Variants in ZSWIM2 observed in about 807,000 individuals in gnomAD.
ZSWIM2 encodes zinc finger SWIM-type containing 2.
Under a neutral mutation model 48.4 loss-of-function variants are expected in ZSWIM2, and 38 were observed. That is an observed-to-expected ratio of 0.79 (90% CI 0.61 to 1.03). The LOEUF (loss-of-function observed/expected upper bound fraction) is 1.03, where lower values mean the gene tolerates loss of function less well. Ranked by LOEUF, ZSWIM2 falls within the 50% of genes least tolerant of loss-of-function variation. ZSWIM2 has a pLI of 0.00. For synonymous variants in ZSWIM2, 240 were observed against 251.3 expected, an observed-to-expected ratio of 0.96 and a Z score of 0.42; for missense variants, 776 against 730.2, an observed-to-expected ratio of 1.06 and a Z score of -0.72.
chr2:186,848,873 T>C (rs755653406), intron 1 of ZSWIM2, 93 bp downstream of exon 1: 7 of 1,519,980 alleles, frequency 4.6e-6, no homozygotes, highest in African/African-American at 4.1e-5. Flanking sequence ...TCCGCAGAGA[T>C]TGTGATGGTG....
rs1284650820 is a variant in ZSWIM2 at position 186,829,793 on chromosome 2, C to A, written c.1029G>T (p.Gln343His). 3.1e-6 allele frequency: 5 copies of A among 1,613,644 alleles called. No individual in the cohort carries two copies. The South Asian group carries it at 5.5e-5, about 18-fold the overall frequency. ...GAAATGCCTTCAAACAAAGTAGACA[C>A]TGGTAGCCTGGAGCAAGCAGCTTAC... ...KNSKLLAPGY[Q>H]CLLCLKAFHL... The change falls in exon 8 of 9, where the codon CAG becomes CAT. Residue 343 changes from glutamine to histidine, a missense_variant. Coordinates refer to ENST00000295131, the MANE Select transcript of ZSWIM2 (RefSeq NM_182521.3).
intron 5 of ZSWIM2, among the ~76,000 whole-genome samples, chr2:186,836,295 C>G (rs1332544458): frequency 6.6e-6 from 1 of 152,084 alleles, no homozygotes; most frequent in African/African-American, 2.4e-5. Flanking sequence ...TCCTCTTTGA[C>G]CAACATTCCT....
chr2:186,827,914 T>C lies in ZSWIM2; in HGVS notation c.*70A>G. 7.8e-7 allele frequency: 1 copy of C among 1,285,544 alleles called. No homozygotes were observed. Among genetic ancestry groups the C allele is most frequent in the East Asian group, 2.5e-5 (1 of 39,352 alleles). The allele number at this position is 1,285,544 out of a possible 1,614,324, so 79.6% of individuals were successfully genotyped here. On this transcript the variant is annotated 3_prime_UTR_variant, in exon 9 of 9. Transcript: ENST00000295131. ...TATATACATTTGTCAAGACTATGTG[T>C]GCTTTTTATGTTCTATATAAAACAT... is the stretch of plus-strand genomic sequence containing the variant.
chr2:186,833,974 T>C lies in ZSWIM2; in HGVS notation c.800A>G (p.His267Arg). 1.2e-6 allele frequency: 2 copies of C among 1,613,296 alleles called. No homozygotes were observed. Among genetic ancestry groups the C allele is most frequent in the East Asian group, 2.2e-5 (1 of 44,846 alleles). ...ACGAAATGTAAACGTGTGGGAAAGA[T>C]GGCAGCAGCTATCAAAACATTCCTG... ...LCQECFDSCCHLSHTFTFREK... is the reference protein window; with the variant it reads ...LCQECFDSCCRLSHTFTFREK... Residue 267 changes from histidine to arginine, a missense_variant, in exon 6 of 9, where the codon CAT (histidine) becomes CGT (arginine). Coordinates refer to ENST00000295131, the MANE Select transcript of ZSWIM2 (RefSeq NM_182521.3).
intron 2 of ZSWIM2, among the ~76,000 whole-genome samples, chr2:186,845,337 G>A (rs1023483185): frequency 2.0e-5 from 3 of 151,038 alleles, no homozygotes; most frequent in Admixed American, 1.3e-4. Flanking sequence ...TACAACATGA[G>A]TTATATAATA....
intron 5 of ZSWIM2, among the ~76,000 whole-genome samples, chr2:186,834,658 A>G (rs1691763509): frequency 6.6e-6 from 1 of 152,112 alleles, no homozygotes; most frequent in African/African-American, 2.4e-5. Context: ...GCTGGTGCCA[A>G]AATGTTTGAG....
At chr2:186,832,243 T>G (rs1691713328) in intron 7 of ZSWIM2, among the ~76,000 whole-genome samples, 1 of 151,776 alleles carries the variant, frequency 6.6e-6, no homozygotes, top group Non-Finnish European at 1.5e-5. Flanking sequence ...GCCTCCCGAG[T>G]AGCTGGGATT....
chr2:186,842,406 A>T (rs1341120986), intron 3 of ZSWIM2, among the ~76,000 whole-genome samples: 2 of 151,376 alleles, frequency 1.3e-5, no homozygotes, highest in African/African-American at 4.8e-5. Context: ...CAAGACACAA[A>T]AAATCTTTAT....
Position 186,849,119 on chromosome 2 carries a change from T to A in ZSWIM2, c.12A>T (p.Arg4=), listed in dbSNP as rs1692057692. Residue 4 remains arginine (R), a synonymous_variant, in exon 1 of 9, where the codon CGA becomes CGT. Coordinates refer to ENST00000295131, the MANE Select transcript of ZSWIM2 (RefSeq NM_182521.3). MLR[R]GYKASERRRH... is the part of the protein sequence containing the mutation. ...TTCGCCTTTCAGAGGCCTTATAGCC[T>A]CGGCGAAGCATGCTGGGTGCGGGCG... 6.2e-7 allele frequency: 1 copy of A among 1,610,630 alleles called. No homozygotes were observed. Among genetic ancestry groups the A allele is most frequent in the Admixed American group, 1.7e-5 (1 of 59,930 alleles).
At chr2:186,829,598 T>A in intron 8 of ZSWIM2, 129 bp downstream of exon 8, 1 of 801,998 alleles carries the variant, frequency 1.2e-6, no homozygotes, top group Non-Finnish European at 1.9e-6. Flanking sequence ...TCTTTCTATA[T>A]GTGCTGTGCA....
At chr2:186,845,389 G>GA (rs962249132) in intron 2 of ZSWIM2, among the ~76,000 whole-genome samples, 2 of 150,106 alleles carry the variant, frequency 1.3e-5, no homozygotes, top group Admixed American at 6.6e-5. Context: ...AATGAAAATG[G>GA]AAAAAAAACT....
At chr2:186,846,450 A>G (rs1184719117) in intron 2 of ZSWIM2, among the ~76,000 whole-genome samples, 1 of 152,022 alleles carries the variant, frequency 6.6e-6, no homozygotes, top group Non-Finnish European at 1.5e-5. Flanking sequence ...TATACATGTC[A>G]TAATGACTAT....
chr2:186,838,898 A>G, intron 4 of ZSWIM2, 61 bp downstream of exon 4: 3 of 1,485,484 alleles, frequency 2.0e-6, no homozygotes, highest in South Asian at 1.3e-5. Context: ...AAGGTAATAA[A>G]TCAGAAATAT....
rs945639119 is a variant in ZSWIM2, at chr2:186,849,072, C to G, written c.59G>C (p.Ser20Thr). 1.2e-6 allele frequency: 2 copies of G among 1,614,136 alleles called. No homozygotes were observed. The highest frequency in any genetic ancestry group is 3.3e-5 in the Admixed American group (2 of 60,028). Residue 20 changes from serine (S) to threonine (T), a missense_variant, in exon 1 of 9, where the codon AGC becomes ACC. Physicochemically the swap from Ser to Thr is moderately conservative, Grantham distance 58 (BLOSUM62 1). Coordinates refer to ENST00000295131, the MANE Select transcript of ZSWIM2 (RefSeq NM_182521.3). Reference protein sequence around the residue: ...ERRRHLSERLSWHQDQALSSS... With the variant: ...ERRRHLSERLTWHQDQALSSS... ...ACTCAGCGCCTGGTCTTGGTGCCAG[C>G]TGAGCCTCTCGCTCAAGTGTCTTCG...
At chr2:186,841,872 G>C (rs1443744036) in intron 3 of ZSWIM2, among the ~76,000 whole-genome samples, 1 of 150,774 alleles carries the variant, frequency 6.6e-6, no homozygotes, top group African/African-American at 2.4e-5. Flanking sequence ...CCTTTAATGA[G>C]GTTTTAATTT....
chr2:186,828,238 A>G lies in ZSWIM2; in HGVS notation c.1648T>C (p.Cys550Arg). Reference sequence around the variant, plus strand: ...GTCTTCTTTAGGTTGTGGTTATTACATTTACAGCCTTTGGTCATCCGGCTT... The same window carrying G: ...GTCTTCTTTAGGTTGTGGTTATTACGTTTACAGCCTTTGGTCATCCGGCTT... Reference protein sequence around the residue: ...SLSRMTKGCKCNNHNLKKTPA... With the variant: ...SLSRMTKGCKRNNHNLKKTPA... The change falls in exon 9 of 9, where the codon TGT (cysteine) becomes CGT (arginine). Residue 550 changes from cysteine (C) to arginine (R), a missense_variant. Coordinates refer to ENST00000295131, the MANE Select transcript of ZSWIM2 (RefSeq NM_182521.3). 6.2e-7 allele frequency: 1 copy of G among 1,613,610 alleles called. No individual in the cohort carries two copies. Among genetic ancestry groups the G allele is most frequent in the Non-Finnish European group, 8.5e-7 (1 of 1,179,794 alleles).
intron 3 of ZSWIM2, 112 bp downstream of exon 3, chr2:186,844,605 G>A (rs1691962579): frequency 9.1e-7 from 1 of 1,101,432 alleles, no homozygotes; most frequent in African/African-American, 1.7e-5. Flanking sequence ...CGATTCCCTA[G>A]AAAAGTAACC....
Position 186,828,244 on chromosome 2 carries a change from A to C in ZSWIM2, c.1642T>G (p.Cys548Gly). Residue 548 changes from cysteine to glycine, a missense_variant, in exon 9 of 9, where the codon TGT (cysteine) becomes GGT (glycine). Coordinates refer to ENST00000295131, the MANE Select transcript of ZSWIM2 (RefSeq NM_182521.3). ...HTSLSRMTKG[C>G]KCNNHNLKKT... is the part of the protein sequence containing the mutation. ...TTTAGGTTGTGGTTATTACATTTAC[A>C]GCCTTTGGTCATCCGGCTTAGACTA... is the stretch of plus-strand genomic sequence containing the variant. The C allele has an allele frequency of 3.1e-6, 5 of 1,613,648 alleles. No homozygotes were observed. Among genetic ancestry groups the C allele is most frequent in the Non-Finnish European group, 4.2e-6 (5 of 1,179,800 alleles).
At position 186,833,971 on chromosome 2, in the gene ZSWIM2, A is replaced by G. The variant is rs549159223; in HGVS notation, c.803T>C (p.Leu268Pro). 6.2e-7 allele frequency: 1 copy of G among 1,613,344 alleles called. No individual in the cohort carries two copies. The highest frequency in any genetic ancestry group is 1.1e-5 in the South Asian group (1 of 91,070). Residue 268 changes from leucine to proline, a missense_variant, in exon 6 of 9, where the codon CTT becomes CCT. Leu to Pro is a moderately conservative substitution (Grantham distance 98). Coordinates refer to ENST00000295131, the MANE Select transcript of ZSWIM2 (RefSeq NM_182521.3). ...CQECFDSCCH[L>P]SHTFTFREKR... Reference sequence around the variant, plus strand: ...CTCACGAAATGTAAACGTGTGGGAAAGATGGCAGCAGCTATCAAAACATTC... The same window carrying G: ...CTCACGAAATGTAAACGTGTGGGAAGGATGGCAGCAGCTATCAAAACATTC...
Sources: allele counts gnomAD v4.1 joint callset (sites outside exome capture counted in the v4.1 genomes callset), GRCh38; gene constraint gnomAD v4.1.1; transcripts MANE v1.5; gene names NCBI Gene and HGNC (gene_info 2026-07-23, HGNC 2026-07-21).